Variants in CCDC141 observed in about 807,000 individuals in gnomAD.
CCDC141 encodes coiled-coil domain-containing protein 141.
CCDC141 carries 168 observed loss-of-function variants against 181.0 expected under a neutral mutation model. The observed-to-expected ratio is 0.93, with a 90% CI of 0.82 to 1.05. The LOEUF is 1.05. Among genes scored for constraint, CCDC141 ranks in the 50% least tolerant of loss-of-function variants. The pLI is 0.00. For synonymous variants in CCDC141, 666 were observed against 642.3 expected (o/e 1.04, Z -0.56); for missense variants, 1,902 against 1,788.5 (o/e 1.06, Z -1.14).
At chr2:178,979,392 G>T (rs929332215) in intron 2 of CCDC141, among the ~76,000 whole-genome samples, 6 of 151,962 alleles carry the variant, frequency 3.9e-5, no homozygotes, top group Non-Finnish European at 8.8e-5. Context: ...AACTTAAAAC[G>T]TGATAAAGAA....
At chr2:178,891,279 T>C (rs12693172) in intron 8 of CCDC141, among the ~76,000 whole-genome samples, 152,059 of 152,240 alleles carry the variant, frequency 1, 75,939 homozygotes, top group Middle Eastern at 1. Context: ...TTTTCTAATC[T>C]TCATAACAAC....
chr2:178,888,822 G>A lies in CCDC141; in HGVS notation c.1266-154C>T, dbSNP rs1873164. ...AGTAGCTATCATCTCGGCATAGCAGGAAGCAAAAATTATATTCTTTTGTTT... is the reference window on the plus strand; with the variant it reads ...AGTAGCTATCATCTCGGCATAGCAGAAAGCAAAAATTATATTCTTTTGTTT... On this transcript the variant is annotated intron_variant, in intron 8 of 23. Transcript: ENST00000443758. Among the ~76,000 whole-genome samples, 111,937 of 152,106 alleles carry A rather than the reference G, an allele frequency of 0.74. 41,955 individuals carry two copies. The highest frequency in any genetic ancestry group is 0.84 in the Middle Eastern group (247 of 294).
chr2:178,927,535 G>T (rs992993696), intron 6 of CCDC141, among the ~76,000 whole-genome samples: 3 of 152,186 alleles, frequency 2.0e-5, no homozygotes, highest in East Asian at 1.9e-4. Context: ...AAGCAAGGGG[G>T]TCGGTGTTAT....
rs1684502988 is a variant in CCDC141, at chr2:178,836,993, G to A, written c.4226C>T (p.Pro1409Leu). 1 of 1,614,006 alleles carries A rather than the reference G, an allele frequency of 6.2e-7. No individual in the cohort carries two copies. Among genetic ancestry groups the A allele is most frequent in the Non-Finnish European group, 8.5e-7 (1 of 1,179,960 alleles). ...ATTAGACAGGAGCCTGGAGAAATTA[G>A]GTGCCTGGTCAGCTAGGCTGACCAC... ...SSVVSLADQAPNFSRLLSNVT... is the reference protein window; with the variant it reads ...SSVVSLADQALNFSRLLSNVT... The change falls in exon 23 of 24, where the codon CCT (proline) becomes CTT (leucine). Residue 1409 changes from proline to leucine, a missense_variant. Coordinates refer to ENST00000443758, the MANE Select transcript of CCDC141 (RefSeq NM_173648.4).
Position 178,837,486 on chromosome 2 carries a change from G to C in CCDC141, c.3733C>G (p.His1245Asp). 1.2e-6 allele frequency: 2 copies of C among 1,614,066 alleles called. No homozygotes were observed. Among genetic ancestry groups the C allele is most frequent in the Non-Finnish European group, 1.7e-6 (2 of 1,179,978 alleles). Reference protein sequence around the residue: ...EEPVSSSLSLHISSYGVQAGT... With the variant: ...EEPVSSSLSLDISSYGVQAGT... The stretch of plus-strand genomic sequence containing the variant: ...GCCTGCACCCCATAGCTGCTTATGT[G>C]AAGGCTGAGGGAGGAGCTGACAGGC... Residue 1245 changes from histidine to aspartate, a missense_variant, in exon 23 of 24, where the codon CAC becomes GAC. Coordinates refer to ENST00000443758, the MANE Select transcript of CCDC141 (RefSeq NM_173648.4).
chr2:179,041,001 C>A (rs2043281313), intron 2 of CCDC141, among the ~76,000 whole-genome samples: 1 of 152,190 alleles, frequency 6.6e-6, no homozygotes, highest in Non-Finnish European at 1.5e-5. Flanking sequence ...AATTTACACT[C>A]CTACCAGCAT....
intron 4 of CCDC141, among the ~76,000 whole-genome samples, chr2:178,962,645 T>C (rs1012782523): frequency 1.3e-5 from 2 of 150,884 alleles, no homozygotes; most frequent in African/African-American, 2.4e-5. Flanking sequence ...TTTCCTTTCC[T>C]TCTTTCTTTC....
Position 178,845,553 on chromosome 2 carries a change from A to T in CCDC141, c.3474+73T>A. Reference sequence around the variant, plus strand: ...GATAAGAAAGCTGCAATTCACTTTTATTTTGCAATGGACAATGACTTTAAC... The same window carrying T: ...GATAAGAAAGCTGCAATTCACTTTTTTTTTGCAATGGACAATGACTTTAAC... On this transcript the variant is annotated intron_variant, in intron 22 of 23. Transcript: ENST00000443758. 1.6e-5 allele frequency: 13 copies of T among 817,304 alleles called. No homozygotes were observed. The South Asian group carries it at 1.9e-4, about 12-fold the overall frequency. 50.6% of individuals were successfully genotyped at this position (817,304 alleles called of 1,614,324 possible). A position where few individuals can be genotyped will look rare whatever the true frequency, so the allele number is the denominator to read the frequency against.
At chr2:178,997,638 C>T (rs530413485) in intron 2 of CCDC141, among the ~76,000 whole-genome samples, 2 of 152,242 alleles carry the variant, frequency 1.3e-5, no homozygotes, top group East Asian at 3.9e-4. Context: ...AGGATTGTCC[C>T]ACCAAATAGC....
At chr2:178,986,657 T>C (rs1021445082) in intron 2 of CCDC141, among the ~76,000 whole-genome samples, 2 of 151,680 alleles carry the variant, frequency 1.3e-5, no homozygotes, top group Non-Finnish European at 2.9e-5. Flanking sequence ...ATCACAAGCA[T>C]TCCTATACAC....
chr2:179,004,101 A>C (rs2042058144), intron 2 of CCDC141, among the ~76,000 whole-genome samples: 1 of 152,158 alleles, frequency 6.6e-6, no homozygotes, highest in Admixed American at 6.5e-5. Flanking sequence ...TTCATAGTAA[A>C]TACAATTACC....
intron 2 of CCDC141, among the ~76,000 whole-genome samples, chr2:179,015,141 A>G: frequency 1.6e-5 from 2 of 127,772 alleles, no homozygotes; most frequent in Non-Finnish European, 1.6e-5. Context: ...CATATCATAT[A>G]TATCAATATA....
intron 4 of CCDC141, among the ~76,000 whole-genome samples, chr2:178,968,572 G>T (rs959883065): frequency 2.0e-5 from 3 of 152,090 alleles, no homozygotes; most frequent in African/African-American, 7.2e-5. Context: ...AGAATCTCTG[G>T]GACACATTTA....
chr2:178,868,290 C>A, intron 15 of CCDC141, 85 bp from the exon 16 acceptor site: 3 of 1,172,496 alleles, frequency 2.6e-6, no homozygotes, highest in Admixed American at 4.0e-5. Context: ...GCACATTTTG[C>A]TAGCTGGTCG....
At chr2:178,859,449 T>C (rs1685512354) in intron 17 of CCDC141, among the ~76,000 whole-genome samples, 1 of 151,952 alleles carries the variant, frequency 6.6e-6, no homozygotes, top group Non-Finnish European at 1.5e-5. Context: ...TTGTCAACAA[T>C]GGGGAATGGC....
At chr2:178,870,231 C>CAAAAAAAAAAAAAAAAAAAAAAAA (rs34625707) in intron 14 of CCDC141, among the ~76,000 whole-genome samples, 18 of 60,286 alleles carry the variant, frequency 3.0e-4, no homozygotes, top group East Asian at 9.0e-4. Context: ...GACTCTGTCT[C>CAAAAAAAAAAAAAAAAAAAAAAAA]AAAAAAAAAA....
At chr2:178,838,619 G>A (rs191959650) in intron 22 of CCDC141, among the ~76,000 whole-genome samples, 5 of 152,308 alleles carry the variant, frequency 3.3e-5, no homozygotes, top group African/African-American at 9.6e-5. Flanking sequence ...GCATAATTTG[G>A]TGAATACAAG....
intron 7 of CCDC141, among the ~76,000 whole-genome samples, chr2:178,912,137 A>G (rs58397865): frequency 0.012 from 1,783 of 152,304 alleles, 27 homozygotes; most frequent in African/African-American, 0.036. Context: ...GTTCTGGTGA[A>G]CACAAAGTGA....
rs764893847 is a variant in CCDC141 at position 178,865,880 on chromosome 2, G to A, written c.2611C>T (p.Gln871Ter). The change falls in exon 17 of 24, where the codon CAG becomes TAG. Residue 871 changes from glutamine (Q) to a stop codon, truncating the protein, a stop_gained. Coordinates refer to ENST00000443758, the MANE Select transcript of CCDC141 (RefSeq NM_173648.4). LOFTEE classifies it high-confidence loss of function. ...SNVSAKNLQQQLELLEEDSMK... is the reference protein window; with the variant it reads ...SNVSAKNLQQ ...CTGTCCTCCTCAAGGAGCTCCAGCT[G>A]CTGCTGTAGGTTCTTTGCAGAAACA... 15 of 1,600,070 alleles carry A rather than the reference G, an allele frequency of 9.4e-6. No individual in the cohort carries two copies. The East Asian group carries it at 2.0e-4, about 22-fold the overall frequency.
Sources: gnomAD v4.1 joint callset for allele counts (sites outside exome capture counted in the v4.1 genomes callset) on GRCh38, gnomAD v4.1.1 for gene constraint, MANE v1.5 for transcripts, NCBI Gene and HGNC (gene_info 2026-07-23, HGNC 2026-07-21) for gene names.